WDFY4: variants seen among roughly 807,000 people sequenced by gnomAD.
WDFY4 encodes the protein WD repeat- and FYVE domain-containing protein 4.
In WDFY4, 169 loss-of-function variants were observed where a neutral mutation model predicts 351.9. The observed-to-expected ratio is 0.48, with a 90% CI of 0.42 to 0.55. WDFY4 has a LOEUF of 0.55. WDFY4 is among the 20% of genes least tolerant of loss of function. The pLI, the probability that WDFY4 is intolerant of heterozygous loss-of-function variation, is 0.00. For synonymous variants in WDFY4, 1,622 were observed against 1,574.6 expected (o/e 1.03, Z -0.71); for missense variants, 3,803 against 3,935.6 (o/e 0.97, Z 0.90).
intron 39 of WDFY4, among the ~76,000 whole-genome samples, chr10:48,847,772 A>AT (rs372684837): frequency 7.9e-5 from 12 of 151,822 alleles, no homozygotes; most frequent in African/African-American, 2.4e-4. Flanking sequence ...ACCAGTGTGG[A>AT]TTTTTTTTTA....
At chr10:48,787,807 CTCTTCTTCTTCTTCTTCTTCTTCT>C (rs1555010319) in intron 20 of WDFY4, among the ~76,000 whole-genome samples, 1 of 76,682 alleles carries the variant, frequency 1.3e-5, no homozygotes. Flanking sequence ...CCTCCTCCTC[CTCTTCTTCTTCTTCTTCTTCTTCT>C]TCTTCTTCTT....
chr10:48,830,946 G>A lies in WDFY4; in HGVS notation c.6526+61G>A, dbSNP rs755455510. 230 of 1,503,642 alleles carry A rather than the reference G, an allele frequency of 1.5e-4. No individual in the cohort carries two copies. In the Middle Eastern group the frequency reaches 1.9e-3, roughly 12 times the overall value. 93.1% of individuals were successfully genotyped at this position (1,503,642 alleles called of 1,614,324 possible). ...CTGGGTCTCACAGAGCCAGACTCCC[G>A]CAAGGTTCAACTCAGTGCCTAGAGC... On this transcript the variant is annotated intron_variant, in intron 38 of 61. Coordinates refer to ENST00000325239, the MANE Select transcript of WDFY4 (RefSeq NM_001394531.1).
At chr10:48,719,503 T>G (rs2064009603) in intron 2 of WDFY4, among the ~76,000 whole-genome samples, 1 of 152,074 alleles carries the variant, frequency 6.6e-6, no homozygotes, top group Non-Finnish European at 1.5e-5. Context: ...ACTAAAGTGC[T>G]AGAAAATAAA....
chr10:48,915,458 A>C (rs780911620), intron 47 of WDFY4, among the ~76,000 whole-genome samples: 1 of 151,856 alleles, frequency 6.6e-6, no homozygotes, highest in South Asian at 2.1e-4. Context: ...AGGCAGAAGT[A>C]TGCCCTTGGG....
In WDFY4 at chr10:48,776,926, C is replaced by G; in HGVS notation, c.3040C>G (p.Gln1014Glu). Residue 1014 changes from glutamine (Q) to glutamate (E), a missense_variant, in exon 16 of 62, where the codon CAG becomes GAG. Around this residue, in one of 3 missense-constraint regions of WDFY4, gnomAD observed 3,054 missense variants for 3,148.6 expected, o/e 0.97. Transcript: ENST00000325239. ...SMTSPRNLQP[Q>E]RAALAPSFVE... ...GACCTCCCCACGCAACCTGCAGCCT[C>G]AGAGGGCAGCCCTGGCCCCATCGTT... 4 of 1,552,308 alleles carry G rather than the reference C, an allele frequency of 2.6e-6. No individual in the cohort carries two copies. The highest frequency in any genetic ancestry group is 3.5e-6 in the Non-Finnish European group (4 of 1,147,122).
chr10:48,894,978 G>A (rs1351395604), intron 44 of WDFY4, among the ~76,000 whole-genome samples: 1 of 152,256 alleles, frequency 6.6e-6, no homozygotes, highest in East Asian at 1.9e-4. Context: ...CATCCTGGCA[G>A]AAGCATTCAG....
chr10:48,721,293 T>C lies in WDFY4; in HGVS notation c.382T>C (p.Trp128Arg). 6.4e-7 allele frequency: 1 copy of C among 1,551,530 alleles called. No homozygotes were observed. Reference sequence around the variant, plus strand: ...TCGGTTGGCAGCTGGACAGTTGCTGTGGTGGAAGGGGGACGTGGATCAGGA... The same window carrying C: ...TCGGTTGGCAGCTGGACAGTTGCTGCGGTGGAAGGGGGACGTGGATCAGGA... ...QARLAAGQLL[W>R]WKGDVDQDGY... The change falls in exon 4 of 62, where the codon TGG becomes CGG. Residue 128 changes from tryptophan (W) to arginine (R), a missense_variant. Trp to Arg is a moderately radical substitution (Grantham distance 101). Transcript: ENST00000325239.
In WDFY4 at chr10:48,845,957, C is replaced by T. The variant is rs2068762734; in HGVS notation, c.6663+13248C>T. Among the ~76,000 whole-genome samples, 3 of 152,196 alleles carry T rather than the reference C, an allele frequency of 2.0e-5. No homozygotes were observed. The South Asian group carries it at 6.2e-4, about 32-fold the overall frequency. On this transcript the variant is annotated intron_variant, in intron 39 of 61. Transcript: ENST00000325239. ...ACTGTGCTTCTGCCAAGAGCCAGGT[C>T]CAGGGCTGGAGAATAGGGACACGGG... is the stretch of plus-strand genomic sequence containing the variant.
intron 39 of WDFY4, among the ~76,000 whole-genome samples, chr10:48,845,816 T>G (rs1212676907): frequency 7.7e-6 from 1 of 129,230 alleles, no homozygotes; most frequent in Non-Finnish European, 1.6e-5. Flanking sequence ...AATTCAGAGC[T>G]TGAATATACA....
At chr10:48,788,501 T>G (rs1047601982) in intron 20 of WDFY4, 29 bp from the exon 21 acceptor site, 1 of 1,547,158 alleles carries the variant, frequency 6.5e-7, no homozygotes, top group Non-Finnish European at 8.7e-7. Context: ...AAAGTTAGAC[T>G]AGAAATGTTT....
intron 58 of WDFY4, chr10:48,975,255 G>A: frequency 1.4e-6 from 1 of 694,748 alleles, no homozygotes; most frequent in Non-Finnish European, 2.4e-6. Flanking sequence ...TGGTGTTGGG[G>A]ACAGTGGGAA....
At chr10:48,797,867 G>T (rs980335905) in intron 24 of WDFY4, among the ~76,000 whole-genome samples, 1 of 152,142 alleles carries the variant, frequency 6.6e-6, no homozygotes, top group Admixed American at 6.5e-5. Flanking sequence ...GATATCTAGG[G>T]ATGTTAACTG....
chr10:48,772,355 G>A (rs1214466128), intron 13 of WDFY4, among the ~76,000 whole-genome samples: 1 of 152,088 alleles, frequency 6.6e-6, no homozygotes, highest in African/African-American at 2.4e-5. Flanking sequence ...TGTATGGTGT[G>A]TGTGGATGTG....
At chr10:48,702,518 C>T (rs117743350) in intron 1 of WDFY4, among the ~76,000 whole-genome samples, 377 of 152,252 alleles carry the variant, frequency 2.5e-3, no homozygotes, top group South Asian at 7.3e-3. Context: ...TGTCAGCTGA[C>T]AGAAGGCCTT....
At chr10:48,868,169 C>T (rs2069621817) in intron 40 of WDFY4, among the ~76,000 whole-genome samples, 1 of 152,182 alleles carries the variant, frequency 6.6e-6, no homozygotes, top group African/African-American at 2.4e-5. Context: ...GTTGCCTTGT[C>T]TAGTTTCCCC....
At chr10:48,903,521 G>A (rs578212210) in intron 47 of WDFY4, among the ~76,000 whole-genome samples, 2 of 152,338 alleles carry the variant, frequency 1.3e-5, no homozygotes, top group African/African-American at 2.4e-5. Flanking sequence ...TCAGATTATG[G>A]ACATGTTTAA....
At chr10:48,899,564 A>G (rs1837253529) in intron 45 of WDFY4, among the ~76,000 whole-genome samples, 1 of 151,918 alleles carries the variant, frequency 6.6e-6, no homozygotes, top group Non-Finnish European at 1.5e-5. Context: ...CCTTGGCCTC[A>G]TCTCATCCCT....
chr10:48,879,683 C>T (rs1007465361), intron 43 of WDFY4, among the ~76,000 whole-genome samples: 3 of 152,186 alleles, frequency 2.0e-5, no homozygotes, highest in African/African-American at 7.2e-5. Flanking sequence ...GGCATCCTTT[C>T]CAAGCTCGTT....
At chr10:48,918,445 G>A (rs182259734) in intron 47 of WDFY4, among the ~76,000 whole-genome samples, 1 of 152,220 alleles carries the variant, frequency 6.6e-6, no homozygotes. Context: ...GTCAGATAAA[G>A]CATATTTCAG....
Sources: allele counts gnomAD v4.1 joint callset (sites outside exome capture counted in the v4.1 genomes callset), GRCh38; gene constraint gnomAD v4.1.1; regional missense constraint gnomAD v4.1.1; transcripts MANE v1.5; gene names NCBI Gene and HGNC (gene_info 2026-07-23, HGNC 2026-07-21).